MYO1E: variants seen among roughly 807,000 people sequenced by gnomAD.
MYO1E encodes unconventional myosin-Ie.
A neutral mutation model predicts 151.1 loss-of-function variants in MYO1E; 68 were observed. The ratio of observed to expected loss-of-function variants is 0.45; its 90% confidence interval spans 0.37 to 0.55. The LOEUF (loss-of-function observed/expected upper bound fraction) is 0.55. MYO1E is among the 20% of genes least tolerant of loss of function. The pLI is 0.00. For synonymous variants in MYO1E, 601 were observed against 501.7 expected, an observed-to-expected ratio of 1.20 and a Z score of -2.64; for missense variants, 1,363 against 1,389.3, an observed-to-expected ratio of 0.98 and a Z score of 0.30.
intron 23 of MYO1E, among the ~76,000 whole-genome samples, chr15:59,162,161 G>A (rs796873577): frequency 5.3e-5 from 8 of 152,132 alleles, no homozygotes; most frequent in African/African-American, 1.7e-4. Flanking sequence ...TCAGCCTCCC[G>A]AGTAGCTGGG....
In MYO1E at chr15:59,183,221, T is replaced by C. The variant is rs552336746; in HGVS notation, c.1905-4684A>G. On this transcript the variant is annotated intron_variant, in intron 18 of 27. Transcript: ENST00000288235. ...TGAGATGGCAGCACTCTCAGCATTG[T>C]TTATGGAAGTCAGTTTGGTTGGTTG... 4.6e-5 allele frequency among the ~76,000 whole-genome samples: 7 copies of C among 152,300 alleles called. No homozygotes were observed. In the East Asian group the frequency reaches 1.2e-3, roughly 25 times the overall value.
intron 5 of MYO1E, among the ~76,000 whole-genome samples, chr15:59,236,364 A>G (rs1165011922): frequency 2.9e-4 from 14 of 48,544 alleles, no homozygotes; most frequent in Non-Finnish European, 8.1e-5. Context: ...AAAAAAAAAA[A>G]TATATACACA....
At chr15:59,354,515 G>A (rs2140437005) in intron 1 of MYO1E, among the ~76,000 whole-genome samples, 1 of 152,272 alleles carries the variant, frequency 6.6e-6, no homozygotes, top group South Asian at 2.1e-4. Flanking sequence ...TCACAGGCCT[G>A]GGTGTCCTCA....
At chr15:59,233,269 C>A (rs148700989) in intron 5 of MYO1E, among the ~76,000 whole-genome samples, 3 of 152,208 alleles carry the variant, frequency 2.0e-5, no homozygotes, top group African/African-American at 7.2e-5. Context: ...TCCATCCATC[C>A]GTCCGTCCAT....
At chr15:59,278,754 A>C (rs1355581948) in intron 1 of MYO1E, among the ~76,000 whole-genome samples, 5 of 152,220 alleles carry the variant, frequency 3.3e-5, no homozygotes, top group African/African-American at 1.2e-4. Flanking sequence ...AGTAGCCAAC[A>C]ACCCACTCTC....
intron 14 of MYO1E, among the ~76,000 whole-genome samples, chr15:59,206,504 G>A (rs1346865222): frequency 6.6e-6 from 1 of 152,178 alleles, no homozygotes; most frequent in East Asian, 1.9e-4. Flanking sequence ...GATGGTGCAG[G>A]CAGCCACCAG....
At chr15:59,152,184 C>T (rs778827683) in intron 26 of MYO1E, among the ~76,000 whole-genome samples, 8 of 152,268 alleles carry the variant, frequency 5.3e-5, no homozygotes, top group Middle Eastern at 3.4e-3. Flanking sequence ...CGAGACTGCA[C>T]CACTGCATTG....
chr15:59,299,936 C>G (rs1487583358), intron 1 of MYO1E, among the ~76,000 whole-genome samples: 1 of 152,138 alleles, frequency 6.6e-6, no homozygotes, highest in East Asian at 1.9e-4. Flanking sequence ...GTGAGACGCA[C>G]AAATTTGGTG....
chr15:59,297,401 G>A (rs1395743960), intron 1 of MYO1E, among the ~76,000 whole-genome samples: 4 of 146,078 alleles, frequency 2.7e-5, no homozygotes, highest in Non-Finnish European at 6.0e-5. Flanking sequence ...CTCCTGAGTA[G>A]CTGGGATTTC....
chr15:59,191,855 AG>A (rs1233642469), intron 17 of MYO1E, among the ~76,000 whole-genome samples: 1 of 152,142 alleles, frequency 6.6e-6, no homozygotes, highest in African/African-American at 2.4e-5. Context: ...TTGCAGAGGG[AG>A]TCTTTTTCCA....
chr15:59,227,667 T>C, intron 6 of MYO1E, 77 bp from the exon 7 acceptor site: 1 of 1,545,650 alleles, frequency 6.5e-7, no homozygotes, highest in South Asian at 1.1e-5. Flanking sequence ...GAATACAGTA[T>C]ATAATTCAAG....
rs1450992980 is a variant in MYO1E, at chr15:59,133,772, A to C, written c.*3608T>G. Reference sequence around the variant, plus strand: ...GCCCTGGAAACCAGAATCCAGCCCTACTGCCAGTGAAATCTTAACTGGGAC... The same window carrying C: ...GCCCTGGAAACCAGAATCCAGCCCTCCTGCCAGTGAAATCTTAACTGGGAC... On this transcript the variant is annotated 3_prime_UTR_variant, in exon 28 of 28. Coordinates refer to ENST00000288235, the MANE Select transcript of MYO1E (RefSeq NM_004998.4). 6.6e-6 allele frequency: 1 copy of C among 152,238 alleles called. No individual in the cohort carries two copies. The highest frequency in any genetic ancestry group is 1.5e-5 in the Non-Finnish European group (1 of 68,082). The allele number at this position is 152,238 out of a possible 1,614,324, so 9.4% of individuals were successfully genotyped here. A position where few individuals can be genotyped will look rare whatever the true frequency, so the allele number is the denominator to read the frequency against.
intron 4 of MYO1E, among the ~76,000 whole-genome samples, chr15:59,239,306 A>T (rs2080086186): frequency 6.6e-6 from 1 of 151,282 alleles, no homozygotes. Flanking sequence ...CACACCTCAC[A>T]ATAATCACCA....
chr15:59,165,848 G>C (rs1165404001), intron 22 of MYO1E, among the ~76,000 whole-genome samples: 1 of 152,162 alleles, frequency 6.6e-6, no homozygotes, highest in Non-Finnish European at 1.5e-5. Context: ...TCCACTTTTT[G>C]GCCTTTGGGG....
chr15:59,174,116 G>A lies in MYO1E; in HGVS notation c.2164+10C>T. On this transcript the variant is annotated intron_variant, in intron 20 of 27. Transcript: ENST00000288235. Reference sequence around the variant, plus strand: ...TTATTAAAATCAATGAAACAAAATTGCTAAAATACCTTCTTCTCTCATTTG... The same window carrying A: ...TTATTAAAATCAATGAAACAAAATTACTAAAATACCTTCTTCTCTCATTTG... 6.2e-7 allele frequency: 1 copy of A among 1,603,920 alleles called. No homozygotes were observed. Among genetic ancestry groups the A allele is most frequent in the Non-Finnish European group, 8.5e-7 (1 of 1,170,854 alleles).
chr15:59,272,503 C>T, intron 1 of MYO1E, 54 bp from the exon 2 acceptor site: 6 of 1,578,870 alleles, frequency 3.8e-6, no homozygotes, highest in Non-Finnish European at 5.2e-6. Context: ...CCTGTAGTAA[C>T]AAAGACAAAA....
At chr15:59,217,760 T>G in intron 10 of MYO1E, 131 bp downstream of exon 10, 1 of 1,022,206 alleles carries the variant, frequency 9.8e-7, no homozygotes, top group Non-Finnish European at 1.5e-6. Flanking sequence ...ACTCCTGGGC[T>G]GCAGTGATCC....
Position 59,134,319 on chromosome 15 carries a change from C to CT in MYO1E, c.*3060dup, listed in dbSNP as rs1389333689. ...TGGGGAGCAAGCTTATTCAAGAAGG[C>CT]TTCACCCTTTGTCCTCTCCACATGT... On this transcript the variant is annotated 3_prime_UTR_variant, in exon 28 of 28. Coordinates refer to ENST00000288235, the MANE Select transcript of MYO1E (RefSeq NM_004998.4). The CT allele has an allele frequency of 6.6e-6, 1 of 152,250 alleles. No homozygotes were observed. Among genetic ancestry groups the CT allele is most frequent in the Non-Finnish European group, 1.5e-5 (1 of 68,050 alleles). 9.4% of individuals were successfully genotyped at this position (152,250 alleles called of 1,614,324 possible).
At chr15:59,222,838 C>T (rs1328841667) in intron 9 of MYO1E, among the ~76,000 whole-genome samples, 2 of 152,156 alleles carry the variant, frequency 1.3e-5, no homozygotes, top group African/African-American at 2.4e-5. Flanking sequence ...CATTAATAAT[C>T]GATGGTGTGG....
Sources: allele counts gnomAD v4.1 joint callset (sites outside exome capture counted in the v4.1 genomes callset), GRCh38; gene constraint gnomAD v4.1.1; transcripts MANE v1.5; gene names NCBI Gene and HGNC (gene_info 2026-07-23, HGNC 2026-07-21).